Variants in ARHGEF10L observed in about 807,000 individuals in gnomAD.
The protein encoded by ARHGEF10L is Rho guanine nucleotide exchange factor 10 like, also known as rho guanine nucleotide exchange factor 10-like protein.
In ARHGEF10L, 69 loss-of-function variants were observed where a neutral mutation model predicts 141.2. That is an observed-to-expected ratio of 0.49 (90% CI 0.40 to 0.60). The LOEUF (loss-of-function observed/expected upper bound fraction) is 0.60, where lower values mean the gene tolerates loss of function less well. Among genes scored for constraint, ARHGEF10L ranks in the 20% least tolerant of loss-of-function variants. ARHGEF10L has a pLI of 0.00. For missense variants in ARHGEF10L, 1,482 were observed against 1,734.3 expected (o/e 0.85, Z 2.58); for synonymous variants, 711 against 718.5 (o/e 0.99, Z 0.17).
chr1:17,636,026 G>A (rs2060978784), intron 18 of ARHGEF10L, among the ~76,000 whole-genome samples: 1 of 152,150 alleles, frequency 6.6e-6, no homozygotes, highest in Non-Finnish European at 1.5e-5. Context: ...TCCAGATGCT[G>A]TCTCTTTCCT....
chr1:17,635,829 A>G (rs528218341), intron 18 of ARHGEF10L, among the ~76,000 whole-genome samples: 1 of 152,326 alleles, frequency 6.6e-6, no homozygotes, highest in South Asian at 2.1e-4. Context: ...TGCAGCAGAA[A>G]GGAACCCTGG....
Position 17,585,583 on chromosome 1 carries a change from C to T in ARHGEF10L, c.38-1877C>T, listed in dbSNP as rs552216215. Among the ~76,000 whole-genome samples, 8 of 152,292 alleles carry T rather than the reference C, an allele frequency of 5.3e-5. No individual in the cohort carries two copies. In the East Asian group the frequency reaches 1.5e-3, roughly 29 times the overall value. Reference sequence around the variant, plus strand: ...CAGAGGAAGTTGGGTACTTCTCATTCTGGGGAGGGAGGGCGTACTCTGGGC... The same window carrying T: ...CAGAGGAAGTTGGGTACTTCTCATTTTGGGGAGGGAGGGCGTACTCTGGGC... On this transcript the variant is annotated intron_variant, in intron 2 of 28. Coordinates refer to ENST00000361221, the MANE Select transcript of ARHGEF10L (RefSeq NM_018125.4).
rs2059699769 is a variant in ARHGEF10L at position 17,614,422 on chromosome 1, C to T, written c.726+1248C>T. 4.6e-5 allele frequency among the ~76,000 whole-genome samples: 7 copies of T among 152,298 alleles called. No individual in the cohort carries two copies. In the South Asian group the frequency reaches 1.5e-3, roughly 32 times the overall value. ...TGGATTCGGCAGGTGTACTCGGGGA[C>T]ACCTTCTAGGGTGTTGGCCTGTTCT... On this transcript the variant is annotated intron_variant, in intron 8 of 28. Transcript: ENST00000361221.
Position 17,627,278 on chromosome 1 carries a change from G to T in ARHGEF10L, c.1411-52G>T. On this transcript the variant is annotated intron_variant, in intron 14 of 28. Transcript: ENST00000361221. This position sits in a 1 kb window ranked among gnomAD's most constrained non-coding sequence, Gnocchi z 4.0. Reference sequence around the variant, plus strand: ...GCAGGGTGAGGCTTTGCCCCAGGCTGGGGTAGAGTTGGTCATGGGTGGGCT... The same window carrying T: ...GCAGGGTGAGGCTTTGCCCCAGGCTTGGGTAGAGTTGGTCATGGGTGGGCT... 6.3e-7 allele frequency: 1 copy of T among 1,589,596 alleles called. No individual in the cohort carries two copies. The highest frequency in any genetic ancestry group is 1.3e-5 in the African/African-American group (1 of 74,714).
intron 8 of ARHGEF10L, among the ~76,000 whole-genome samples, chr1:17,613,435 T>G (rs2059649035): frequency 1.3e-5 from 2 of 152,168 alleles, no homozygotes; most frequent in Admixed American, 1.3e-4. Flanking sequence ...TCCACAAGAA[T>G]TCCCAGGAGG....
intron 16 of ARHGEF10L, 169 bp from the exon 17 acceptor site, chr1:17,634,379 C>T (rs910313941): frequency 2.9e-5 from 31 of 1,054,658 alleles, no homozygotes; most frequent in Non-Finnish European, 4.0e-5. Flanking sequence ...AAGGAAGGCC[C>T]GCTTCTGTCC....
intron 4 of ARHGEF10L, among the ~76,000 whole-genome samples, chr1:17,593,567 T>C (rs1557769975): frequency 1.3e-5 from 2 of 151,984 alleles, no homozygotes; most frequent in Non-Finnish European, 1.5e-5. Flanking sequence ...GAGGACGGGA[T>C]TGTGACCAAG....
rs572774220 is a variant in ARHGEF10L at position 17,603,411 on chromosome 1, G to A, written c.350-97G>A. On this transcript the variant is annotated intron_variant, in intron 5 of 28. Coordinates refer to ENST00000361221, the MANE Select transcript of ARHGEF10L (RefSeq NM_018125.4). This position sits in a 1 kb window ranked among gnomAD's most constrained non-coding sequence, Gnocchi z 4.8. ...GGGCTATCAGAAAGGAGGGTGCTGC[G>A]TGCCACCAGCTGGTGCAGTCCTGAT... 23 of 897,466 alleles carry A rather than the reference G, an allele frequency of 2.6e-5. No individual in the cohort carries two copies. Among genetic ancestry groups the A allele is most frequent in the African/African-American group, 8.5e-5 (5 of 58,544 alleles). The allele number at this position is 897,466 out of a possible 1,614,324, so 55.6% of individuals were successfully genotyped here. A position where few individuals can be genotyped will look rare whatever the true frequency, so the allele number is the denominator to read the frequency against.
intron 22 of ARHGEF10L, among the ~76,000 whole-genome samples, chr1:17,652,926 C>T (rs1028846080): frequency 2.6e-5 from 4 of 152,206 alleles, no homozygotes; most frequent in Non-Finnish European, 5.9e-5. Flanking sequence ...TGACCTTCAC[C>T]AACCTCAGCC....
upstream of ARHGEF10L, among the ~76,000 whole-genome samples, chr1:17,539,301 G>T (rs1383918446): frequency 6.6e-6 from 1 of 152,226 alleles, no homozygotes; most frequent in African/African-American, 2.4e-5. This position sits in a 1 kb window ranked among gnomAD's most constrained non-coding sequence, Gnocchi z 6.0. Context: ...GCCGGTCCAG[G>T]ATTCTCACCC....
At chr1:17,646,781 C>T (rs555147189) in intron 21 of ARHGEF10L, among the ~76,000 whole-genome samples, 112 of 152,036 alleles carry the variant, frequency 7.4e-4, no homozygotes, top group African/African-American at 1.5e-3. Context: ...TTCCGGACAG[C>T]GGGAACCTCT....
rs1000563234 is a variant in ARHGEF10L, at chr1:17,639,939, C to T, written c.2172-263C>T. On this transcript the variant is annotated intron_variant, in intron 20 of 28. Transcript: ENST00000361221. The surrounding 1 kb of genome is among the most constrained non-coding windows in gnomAD (Gnocchi z 4.3). ...TCTGCCGGGCACAAAGCCAGAGGCT[C>T]CTGGAGCCAGGCTGGGGAGCGTGGC... is the stretch of plus-strand genomic sequence containing the variant. The T allele has an allele frequency of 3.1e-5, 46 of 1,479,060 alleles. No homozygotes were observed. The highest frequency in any genetic ancestry group is 1.4e-4 in the African/African-American group (10 of 71,838). The allele number at this position is 1,479,060 out of a possible 1,614,324, so 91.6% of individuals were successfully genotyped here. A position where few individuals can be genotyped will look rare whatever the true frequency, so the allele number is the denominator to read the frequency against.
chr1:17,695,059 G>A, intron 27 of ARHGEF10L, 99 bp from the exon 28 acceptor site: 1 of 1,565,166 alleles, frequency 6.4e-7, no homozygotes, highest in Non-Finnish European at 8.7e-7. Context: ...TGGTTTCAGG[G>A]GAGGAGCCCG....
chr1:17,668,667 C>T (rs984929889), intron 26 of ARHGEF10L, among the ~76,000 whole-genome samples: 6 of 152,202 alleles, frequency 3.9e-5, no homozygotes, highest in Non-Finnish European at 8.8e-5. Flanking sequence ...GGAGCCTCTG[C>T]AGCAGGGGCC....
Position 17,604,004 on chromosome 1 carries a change from C to A in ARHGEF10L, c.433+413C>A, listed in dbSNP as rs557617922. 2.0e-5 allele frequency among the ~76,000 whole-genome samples: 3 copies of A among 152,240 alleles called. No homozygotes were observed. In the East Asian group the frequency reaches 5.8e-4, roughly 30 times the overall value. ...TGGGTTGAGGGCTGAGGTGGGCAGG[C>A]AGGCAGGCGATTGTGGCCGCAGAAG... On this transcript the variant is annotated intron_variant, in intron 6 of 28. Coordinates refer to ENST00000361221, the MANE Select transcript of ARHGEF10L (RefSeq NM_018125.4).
At chr1:17,554,129 G>A (rs34696068) in intron 1 of ARHGEF10L, among the ~76,000 whole-genome samples, 3,071 of 152,236 alleles carry the variant, frequency 0.02, 54 homozygotes, top group East Asian at 0.084. Context: ...TGCAAAACCC[G>A]TTCTCCCGGG....
chr1:17,524,364 TAC>T, the ARHGEF10L span, among the ~76,000 whole-genome samples: 5,039 of 115,914 alleles, frequency 0.043, 120 homozygotes, highest in East Asian at 0.084. Context: ...ACCCCGTCTC[TAC>T]ACACACACAC....
intron 26 of ARHGEF10L, among the ~76,000 whole-genome samples, chr1:17,667,822 A>T (rs1298930339): frequency 2.0e-5 from 3 of 152,118 alleles, no homozygotes; most frequent in Non-Finnish European, 4.4e-5. Context: ...GGAGCACTTG[A>T]GACTTCAGGA....
chr1:17,565,837 G>T (rs920754457), intron 1 of ARHGEF10L, among the ~76,000 whole-genome samples: 1 of 152,102 alleles, frequency 6.6e-6, no homozygotes, highest in Non-Finnish European at 1.5e-5. Context: ...TTAAAGAGGC[G>T]GCTGTACATA....
Sources: allele counts gnomAD v4.1 joint callset (sites outside exome capture counted in the v4.1 genomes callset), GRCh38; gene constraint gnomAD v4.1.1; non-coding constraint Gnocchi (gnomAD v3.1); transcripts MANE v1.5; gene names NCBI Gene and HGNC (gene_info 2026-07-23, HGNC 2026-07-21).